Variants in CHD6 observed in about 807,000 individuals in gnomAD.
CHD6 encodes the protein ATP-dependent chromatin remodeler CHD6.
A neutral mutation model predicts 276.9 loss-of-function variants in CHD6; 50 were observed. The observed-to-expected ratio is 0.18, with a 90% CI of 0.14 to 0.23. The LOEUF (loss-of-function observed/expected upper bound fraction) is 0.23, where lower values mean the gene tolerates loss of function less well. Ranked by LOEUF, CHD6 falls within the 10% of genes least tolerant of loss-of-function variation. CHD6 has a pLI of 1.00. For synonymous variants in CHD6, 1,173 were observed against 1,229.3 expected (o/e 0.95, Z 0.96); for missense variants, 2,564 against 3,365.8 (o/e 0.76, Z 5.89).
intron 2 of CHD6, among the ~76,000 whole-genome samples, chr20:41,534,764 G>C (rs1391187658): frequency 6.6e-6 from 1 of 152,118 alleles, no homozygotes; most frequent in Non-Finnish European, 1.5e-5. Context: ...CTTTGGAAAA[G>C]GAGGAGATAA....
chr20:41,604,106 C>T (rs2045802258), intron 1 of CHD6, among the ~76,000 whole-genome samples: 1 of 152,096 alleles, frequency 6.6e-6, no homozygotes, highest in African/African-American at 2.4e-5. Flanking sequence ...GGTTGAATAT[C>T]ATCTCATTCT....
intron 12 of CHD6, 119 bp from the exon 13 acceptor site, chr20:41,488,723 C>T: frequency 1.3e-6 from 1 of 791,034 alleles, no homozygotes; most frequent in East Asian, 2.7e-5. Context: ...AAGACAAGCA[C>T]TGCTTTTCCT....
At chr20:41,535,144 C>G (rs751701876) in intron 2 of CHD6, among the ~76,000 whole-genome samples, 1 of 152,144 alleles carries the variant, frequency 6.6e-6, no homozygotes, top group Admixed American at 6.5e-5. Flanking sequence ...CCTGTCTTTT[C>G]AGCTCATATC....
At chr20:41,508,195 T>C (rs188705485) in intron 5 of CHD6, among the ~76,000 whole-genome samples, 208 of 152,014 alleles carry the variant, frequency 1.4e-3, no homozygotes, top group Middle Eastern at 3.4e-3. Context: ...AAATGAGAGA[T>C]GAAAGAACAA....
chr20:41,404,774 T>TTCC lies in CHD6; in HGVS notation c.7964_7966dup (p.Arg2655dup). On this transcript the variant is annotated inframe_insertion, in exon 37 of 37. Coordinates refer to ENST00000373233, the MANE Select transcript of CHD6 (RefSeq NM_032221.5). The stretch of plus-strand genomic sequence containing the variant: ...GTTGTCCCCCTTTGTCTTCTTCTTC[T>TTCC]TCCTCTTCTGGCTCTCCAGACCTAC... 6.2e-7 allele frequency: 1 copy of TTCC among 1,609,224 alleles called. No individual in the cohort carries two copies. Among genetic ancestry groups the TTCC allele is most frequent in the Non-Finnish European group, 8.5e-7 (1 of 1,177,472 alleles).
At chr20:41,428,611 A>G (rs533507290) in intron 27 of CHD6, among the ~76,000 whole-genome samples, 32 of 152,348 alleles carry the variant, frequency 2.1e-4, no homozygotes, top group African/African-American at 7.2e-4. Context: ...GTCTCGGGCA[A>G]GTTGTTTTGA....
intron 36 of CHD6, among the ~76,000 whole-genome samples, chr20:41,409,333 T>C (rs1031918959): frequency 2.0e-5 from 3 of 152,086 alleles, no homozygotes; most frequent in Non-Finnish European, 4.4e-5. Flanking sequence ...CAAACCTGCT[T>C]CCCCTTCCAG....
chr20:41,484,197 A>G (rs1568631049), intron 15 of CHD6, among the ~76,000 whole-genome samples, 155 bp downstream of exon 15: 1 of 152,208 alleles, frequency 6.6e-6, no homozygotes, highest in East Asian at 1.9e-4. Context: ...AAATTCATCA[A>G]GCTCTCTGAA....
rs1378793848 is a variant in CHD6 at position 41,439,916 on chromosome 20, TAA to T, written c.4007+82_4007+83del. 21 of 1,408,008 alleles carry T rather than the reference TAA, an allele frequency of 1.5e-5. No homozygotes were observed. The South Asian group carries it at 2.6e-4, about 17-fold the overall frequency. 87.2% of individuals were successfully genotyped at this position (1,408,008 alleles called of 1,614,324 possible). On this transcript the variant is annotated intron_variant, in intron 26 of 36. Coordinates refer to ENST00000373233, the MANE Select transcript of CHD6 (RefSeq NM_032221.5). ...GAGATGCCAGATGCTGAGGAAGAGA[TAA>T]AGAGTGCTGGGTTTATGAGGAAGGG...
At chr20:41,591,379 T>TACACACACACACACACAC (rs201725894) in intron 1 of CHD6, among the ~76,000 whole-genome samples, 2 of 144,100 alleles carry the variant, frequency 1.4e-5, no homozygotes, top group African/African-American at 5.1e-5. Flanking sequence ...TATATATATA[T>TACACACACACACACACAC]ACACACACAC....
Position 41,432,480 on chromosome 20 carries a change from G to A in CHD6, c.4068+4794C>T, listed in dbSNP as rs117540291. ...GAGGTTCCCCACCCCTACCCATGGT[G>A]GAGCTAAACTTCCATTCCTGCTCAA... is the stretch of plus-strand genomic sequence containing the variant. On this transcript the variant is annotated intron_variant, in intron 27 of 36. Coordinates refer to ENST00000373233, the MANE Select transcript of CHD6 (RefSeq NM_032221.5). 2.8e-4 allele frequency among the ~76,000 whole-genome samples: 43 copies of A among 152,196 alleles called. No homozygotes were observed. The East Asian group carries it at 8.1e-3, about 29-fold the overall frequency.
chr20:41,417,117 T>G, intron 32 of CHD6, 81 bp downstream of exon 32: 1 of 1,298,526 alleles, frequency 7.7e-7, no homozygotes, highest in Non-Finnish European at 1.1e-6. Context: ...TGTTCAGAAC[T>G]ATTTCTAAAA....
At chr20:41,422,863 G>A (rs1377880837) in intron 30 of CHD6, among the ~76,000 whole-genome samples, 8 of 152,246 alleles carry the variant, frequency 5.3e-5, no homozygotes, top group Admixed American at 3.9e-4. Context: ...AGGCTGGTAT[G>A]TCTTGTGCGT....
chr20:41,572,718 G>A (rs2146210921), intron 1 of CHD6, among the ~76,000 whole-genome samples: 1 of 152,190 alleles, frequency 6.6e-6, no homozygotes, highest in South Asian at 2.1e-4. Context: ...ATTAACTCTG[G>A]CCCAGGCAAG....
chr20:41,522,144 C>T (rs2044414897), intron 3 of CHD6, among the ~76,000 whole-genome samples: 1 of 152,060 alleles, frequency 6.6e-6, no homozygotes, highest in South Asian at 2.1e-4. Context: ...AGTTTGAGAC[C>T]AGACTGGCAG....
At chr20:41,459,844 C>T (rs1468456883) in intron 17 of CHD6, among the ~76,000 whole-genome samples, 6 of 152,166 alleles carry the variant, frequency 3.9e-5, no homozygotes, top group Non-Finnish European at 7.3e-5. Context: ...AAAAGATACC[C>T]GAAAACGCGG....
chr20:41,490,330 G>C (rs2043518903), intron 11 of CHD6, among the ~76,000 whole-genome samples: 5 of 152,162 alleles, frequency 3.3e-5, no homozygotes, highest in Admixed American at 3.3e-4. Context: ...ACTAAACCTA[G>C]ATGGTATAGC....
chr20:41,512,416 G>C (rs1306549504), intron 5 of CHD6, among the ~76,000 whole-genome samples: 1 of 151,872 alleles, frequency 6.6e-6, no homozygotes, highest in African/African-American at 2.4e-5. Context: ...ATCTACTTTA[G>C]ATAAAAGATC....
chr20:41,438,478 T>A (rs1373136355), intron 26 of CHD6, among the ~76,000 whole-genome samples: 3 of 151,940 alleles, frequency 2.0e-5, no homozygotes, highest in African/African-American at 7.3e-5. Context: ...TAATCCCAGC[T>A]ACTTGGGAGG....
Sources: gnomAD v4.1 joint callset for allele counts (sites outside exome capture counted in the v4.1 genomes callset) on GRCh38, gnomAD v4.1.1 for gene constraint, MANE v1.5 for transcripts, NCBI Gene and HGNC (gene_info 2026-07-23, HGNC 2026-07-21) for gene names.